MNAT1: variants seen among roughly 807,000 people sequenced by gnomAD.
MNAT1 encodes CDK-activating kinase assembly factor MAT1.
Under a neutral mutation model 42.0 loss-of-function variants are expected in MNAT1, and 43 were observed. The ratio of observed to expected loss-of-function variants is 1.02; its 90% confidence interval spans 0.80 to 1.32. The LOEUF (loss-of-function observed/expected upper bound fraction) is 1.32, where lower values mean the gene tolerates loss of function less well. Among genes scored for constraint, MNAT1 ranks in the 40% most tolerant of loss-of-function variants. The pLI, the probability that MNAT1 is intolerant of heterozygous loss-of-function variation, is 0.00. For missense variants in MNAT1, 306 were observed against 350.4 expected (o/e 0.87, Z 1.01); for synonymous variants, 118 against 120.0 (o/e 0.98, Z 0.11).
At chr14:60,879,397 A>G (rs1461080209) in intron 6 of MNAT1, among the ~76,000 whole-genome samples, 1 of 152,200 alleles carries the variant, frequency 6.6e-6, no homozygotes, top group Non-Finnish European at 1.5e-5. Flanking sequence ...TTTAAATAAT[A>G]TGTATTTTTC....
intron 7 of MNAT1, among the ~76,000 whole-genome samples, chr14:60,935,474 G>A (rs1484081489): frequency 6.6e-6 from 1 of 152,104 alleles, no homozygotes; most frequent in Admixed American, 6.5e-5. Context: ...TTTTCCATTA[G>A]TTGAAGGAAC....
rs1261800833 is a variant in MNAT1 at position 60,888,521 on chromosome 14, C to T, written c.809+8686C>T. Among the ~76,000 whole-genome samples, 3 of 151,852 alleles carry T rather than the reference C, an allele frequency of 2.0e-5. No individual in the cohort carries two copies. The East Asian group carries it at 5.8e-4, about 29-fold the overall frequency. ...GAATGGACAAAAAATGGAAGCATTCCCTTTGAAAACTGGCACAAGACAGGG... is the reference window on the plus strand; with the variant it reads ...GAATGGACAAAAAATGGAAGCATTCTCTTTGAAAACTGGCACAAGACAGGG... On this transcript the variant is annotated intron_variant, in intron 7 of 7. Coordinates refer to ENST00000261245, the MANE Select transcript of MNAT1 (RefSeq NM_002431.4).
intron 1 of MNAT1, among the ~76,000 whole-genome samples, chr14:60,789,931 A>G (rs577973531): frequency 6.6e-6 from 1 of 152,236 alleles, no homozygotes; most frequent in Non-Finnish European, 1.5e-5. Flanking sequence ...TGCTTTTGTA[A>G]TAGAGTTACT....
At chr14:60,848,783 T>TCTTA (rs2033745361) in intron 6 of MNAT1, among the ~76,000 whole-genome samples, 1 of 152,186 alleles carries the variant, frequency 6.6e-6, no homozygotes, top group Non-Finnish European at 1.5e-5. Flanking sequence ...TGGAGGACTA[T>TCTTA]ATAATCTTAA....
At chr14:60,788,243 T>C (rs779866690) in intron 1 of MNAT1, among the ~76,000 whole-genome samples, 1 of 152,148 alleles carries the variant, frequency 6.6e-6, no homozygotes, top group Non-Finnish European at 1.5e-5. Context: ...TCATTGTCAA[T>C]GGGCAGTAAC....
At chr14:60,805,020 A>T (rs538234041) in intron 3 of MNAT1, among the ~76,000 whole-genome samples, 1 of 152,210 alleles carries the variant, frequency 6.6e-6, no homozygotes, top group East Asian at 1.9e-4. Context: ...GATTCATACC[A>T]TAAGAAACCA....
chr14:60,836,864 G>A (rs1430127899), intron 6 of MNAT1, among the ~76,000 whole-genome samples: 1 of 152,192 alleles, frequency 6.6e-6, no homozygotes, highest in African/African-American at 2.4e-5. Flanking sequence ...AAGGTGCTCT[G>A]TCCTAGGGAG....
intron 7 of MNAT1, among the ~76,000 whole-genome samples, chr14:60,885,693 A>G (rs1436903505): frequency 6.6e-6 from 1 of 152,012 alleles, no homozygotes; most frequent in Non-Finnish European, 1.5e-5. Flanking sequence ...TATAGTTTGC[A>G]AATATATTTT....
chr14:60,787,127 G>A (rs893095151), intron 1 of MNAT1, among the ~76,000 whole-genome samples: 2 of 152,024 alleles, frequency 1.3e-5, no homozygotes, highest in African/African-American at 4.8e-5. Context: ...CTTATTACTC[G>A]TATGCAGACA....
intron 6 of MNAT1, among the ~76,000 whole-genome samples, chr14:60,840,592 CATCAT>C (rs2033522286): frequency 6.6e-6 from 1 of 152,186 alleles, no homozygotes; most frequent in South Asian, 2.1e-4. Context: ...CCTTATACTC[CATCAT>C]AGTTGTTATT....
At chr14:60,927,297 A>C (rs1341675864) in intron 7 of MNAT1, among the ~76,000 whole-genome samples, 1 of 152,226 alleles carries the variant, frequency 6.6e-6, no homozygotes, top group Non-Finnish European at 1.5e-5. Context: ...ATGATGCTCT[A>C]CCCAATTTCG....
chr14:60,902,991 G>A (rs2035104944), intron 7 of MNAT1, among the ~76,000 whole-genome samples: 1 of 151,230 alleles, frequency 6.6e-6, no homozygotes, highest in Non-Finnish European at 1.5e-5. Flanking sequence ...TGTGACTTTA[G>A]GTTTATATTT....
chr14:60,799,647 C>T (rs1035902124), intron 3 of MNAT1, among the ~76,000 whole-genome samples: 8 of 151,398 alleles, frequency 5.3e-5, no homozygotes, highest in African/African-American at 1.9e-4. Context: ...GGATGAACTA[C>T]AAGGAGATCT....
chr14:60,858,442 G>T (rs373146701), intron 6 of MNAT1, among the ~76,000 whole-genome samples: 2,302 of 142,666 alleles, frequency 0.016, 45 homozygotes, highest in African/African-American at 0.05. Flanking sequence ...TTATAAATTT[G>T]TTTAAGTTCT....
intron 7 of MNAT1, among the ~76,000 whole-genome samples, chr14:60,887,986 C>A (rs542759016): frequency 1.3e-5 from 2 of 150,170 alleles, no homozygotes; most frequent in East Asian, 3.9e-4. Context: ...AGTCCAGGAC[C>A]AGATGGATTC....
At chr14:60,764,693 T>C (rs889660336) in intron 1 of MNAT1, among the ~76,000 whole-genome samples, 2 of 152,224 alleles carry the variant, frequency 1.3e-5, no homozygotes, top group African/African-American at 4.8e-5. Context: ...AATGTAATTT[T>C]CAAGATTCAG....
intron 7 of MNAT1, among the ~76,000 whole-genome samples, chr14:60,944,730 T>C (rs1403416433): frequency 6.6e-6 from 1 of 152,206 alleles, no homozygotes; most frequent in East Asian, 1.9e-4. Flanking sequence ...TATAAACTTA[T>C]AAAACTTCAA....
intron 7 of MNAT1, among the ~76,000 whole-genome samples, chr14:60,895,886 A>G (rs188941845): frequency 1.3e-5 from 2 of 152,262 alleles, no homozygotes; most frequent in Admixed American, 1.3e-4. Flanking sequence ...GCTACACCTT[A>G]TTTGTTTCTA....
At chr14:60,885,043 C>T (rs760176772) in intron 7 of MNAT1, among the ~76,000 whole-genome samples, 7 of 151,818 alleles carry the variant, frequency 4.6e-5, no homozygotes, top group Non-Finnish European at 7.4e-5. Context: ...CTGAAGAGTT[C>T]GCTGCCAGAC....
Sources: allele counts gnomAD v4.1 joint callset (sites outside exome capture counted in the v4.1 genomes callset), GRCh38; gene constraint gnomAD v4.1.1; transcripts MANE v1.5; gene names NCBI Gene and HGNC (gene_info 2026-07-23, HGNC 2026-07-21).